The following ALG9 variants were observed in gnomAD, a reference collection of about 807,000 sequenced individuals.
ALG9 encodes alpha-1,2-mannosyltransferase ALG9.
In ALG9, 55 loss-of-function variants were observed where a neutral mutation model predicts 81.8. That is an observed-to-expected ratio of 0.67 (90% CI 0.54 to 0.84). ALG9 has a LOEUF of 0.84. Ranked by LOEUF, ALG9 falls within the 40% of genes least tolerant of loss-of-function variation. The probability of loss-of-function intolerance (pLI) is 0.00; values close to 1 mark genes in which losing one functional copy is unlikely to be tolerated. For synonymous variants in ALG9, 278 were observed against 274.3 expected, an observed-to-expected ratio of 1.01 and a Z score of -0.13; for missense variants, 629 against 745.0, an observed-to-expected ratio of 0.84 and a Z score of 1.81.
chr11:111,805,342 A>G (rs1949759340), intron 14 of ALG9: 2 of 455,822 alleles, frequency 4.4e-6, no homozygotes, highest in Non-Finnish European at 8.8e-6. Context: ...TTTGTTGTTT[A>G]AGCCACCCAG....
chr11:111,800,981 T>C lies in ALG9; in HGVS notation c.1733+8662A>G, dbSNP rs557031380. ...CCTACTTACATTTCTAAACAAATCA[T>C]GTGGCTATGTGTCATAGGCCTATTA... On this transcript the variant is annotated intron_variant, in intron 14 of 14. Coordinates refer to ENST00000616540, the MANE Select transcript of ALG9 (RefSeq NM_024740.2). 8.5e-5 allele frequency among the ~76,000 whole-genome samples: 13 copies of C among 152,350 alleles called. No homozygotes were observed. In the South Asian group the frequency reaches 1.9e-3, roughly 22 times the overall value.
At chr11:111,799,446 CTTT>C (rs35858293) in intron 14 of ALG9, among the ~76,000 whole-genome samples, 5 of 141,442 alleles carry the variant, frequency 3.5e-5, no homozygotes, top group South Asian at 2.3e-4. Context: ...CGGCTGATTC[CTTT>C]TTTTTTTTTT....
intron 6 of ALG9, among the ~76,000 whole-genome samples, chr11:111,854,092 A>G (rs921259504): frequency 1.1e-4 from 16 of 145,094 alleles, no homozygotes; most frequent in African/African-American, 3.8e-4. Flanking sequence ...ACCTTATTAC[A>G]GACTTTTTTT....
chr11:111,795,499 C>T (rs782289621), intron 14 of ALG9, among the ~76,000 whole-genome samples: 2 of 152,080 alleles, frequency 1.3e-5, no homozygotes, highest in Non-Finnish European at 1.5e-5. Flanking sequence ...CAATATACCC[C>T]GCAGGTGGCC....
intron 1 of ALG9, chr11:111,870,716 A>C: frequency 1.9e-6 from 2 of 1,040,844 alleles, no homozygotes; most frequent in South Asian, 6.1e-5. Flanking sequence ...ATTAACTCAT[A>C]CACTTTAGCT....
chr11:111,843,270 A>T (rs1956493308), intron 9 of ALG9, among the ~76,000 whole-genome samples: 1 of 152,222 alleles, frequency 6.6e-6, no homozygotes. Flanking sequence ...AAAGAAAAAA[A>T]GTAAGATGGG....
At chr11:111,789,048 G>T (rs1591785429) in intron 14 of ALG9, among the ~76,000 whole-genome samples, 2 of 149,570 alleles carry the variant, frequency 1.3e-5, no homozygotes. Flanking sequence ...TCACTATTTT[G>T]CCCAGGCTGG....
intron 14 of ALG9, among the ~76,000 whole-genome samples, chr11:111,788,039 T>C (rs1946736450): frequency 6.6e-6 from 1 of 152,230 alleles, no homozygotes; most frequent in Non-Finnish European, 1.5e-5. Flanking sequence ...AAATTCTGTA[T>C]GGAGTATTAC....
At chr11:111,866,720 C>A (rs533378523) in intron 3 of ALG9, among the ~76,000 whole-genome samples, 1 of 151,440 alleles carries the variant, frequency 6.6e-6, no homozygotes, top group South Asian at 2.1e-4. Flanking sequence ...GAAATAAAAA[C>A]CCTCTGCATA....
Position 111,837,589 on chromosome 11 carries a change from G to C in ALG9, c.1351C>G (p.Pro451Ala), listed in dbSNP as rs782727331. The change falls in exon 12 of 15, where the codon CCA (proline) becomes GCA (alanine). Residue 451 changes from proline (P) to alanine (A), a missense_variant. Physicochemically the swap from Pro to Ala is conservative, Grantham distance 27. Transcript: ENST00000616540. Reference sequence around the variant, plus strand: ...TCTGTAGCAATTCGGTAAAATTCTGGATACAAATCAAGGGGCCCGTGATAT... The same window carrying C: ...TCTGTAGCAATTCGGTAAAATTCTGCATACAAATCAAGGGGCCCGTGATAT... Reference protein sequence around the residue: ...RGYHGPLDLYPEFYRIATDPT... With the variant: ...RGYHGPLDLYAEFYRIATDPT... 6.2e-7 allele frequency: 1 copy of C among 1,614,082 alleles called. No homozygotes were observed. The highest frequency in any genetic ancestry group is 1.7e-5 in the Admixed American group (1 of 60,020).
intron 3 of ALG9, 112 bp downstream of exon 3, chr11:111,868,490 T>C: frequency 7.4e-7 from 1 of 1,343,802 alleles, no homozygotes; most frequent in South Asian, 1.5e-5. Context: ...ATGATTCTTC[T>C]TCAAAAAAAG....
At chr11:111,792,070 G>A (rs1287084761) in intron 14 of ALG9, among the ~76,000 whole-genome samples, 3 of 152,174 alleles carry the variant, frequency 2.0e-5, no homozygotes, top group African/African-American at 7.2e-5. Context: ...GTGACAGGGC[G>A]AGACTCCGTC....
At chr11:111,816,488 A>T (rs1243022428) in intron 13 of ALG9, among the ~76,000 whole-genome samples, 4 of 152,110 alleles carry the variant, frequency 2.6e-5, no homozygotes, top group Non-Finnish European at 4.4e-5. Flanking sequence ...GGCCTCAAGC[A>T]ATCTTCCTAC....
intron 14 of ALG9, among the ~76,000 whole-genome samples, chr11:111,791,607 A>G (rs1369635260): frequency 6.6e-6 from 1 of 152,102 alleles, no homozygotes; most frequent in Non-Finnish European, 1.5e-5. Context: ...TGATTGTTCC[A>G]CCTCACCTTG....
chr11:111,832,597 A>C (rs1240616814), intron 13 of ALG9, among the ~76,000 whole-genome samples: 2 of 152,082 alleles, frequency 1.3e-5, no homozygotes, highest in African/African-American at 2.4e-5. Flanking sequence ...TAACTGACAA[A>C]GTTTTTTAAG....
chr11:111,853,860 C>T, intron 6 of ALG9, 124 bp from the exon 7 acceptor site: 1 of 857,086 alleles, frequency 1.2e-6, no homozygotes, highest in South Asian at 1.4e-5. Context: ...GGGAAGAAAC[C>T]TGGTATGTGA....
chr11:111,825,121 A>C (rs1280758630), intron 13 of ALG9, among the ~76,000 whole-genome samples: 1 of 152,174 alleles, frequency 6.6e-6, no homozygotes, highest in Non-Finnish European at 1.5e-5. Context: ...TGGACTACAA[A>C]CAACCTTGAA....
intron 13 of ALG9, among the ~76,000 whole-genome samples, chr11:111,818,028 T>A (rs1555099585): frequency 6.6e-6 from 1 of 151,930 alleles, no homozygotes; most frequent in African/African-American, 2.4e-5. Flanking sequence ...ATCCGCCCAC[T>A]TCGGCCTCCC....
At position 111,871,368 on chromosome 11, in the gene ALG9, C is replaced by A. The variant is rs1555158739; in HGVS notation, c.115G>T (p.Ala39Ser). 1 of 1,531,514 alleles carries A rather than the reference C, an allele frequency of 6.5e-7. No individual in the cohort carries two copies. Among genetic ancestry groups the A allele is most frequent in the Non-Finnish European group, 8.7e-7 (1 of 1,144,992 alleles). 94.9% of individuals were successfully genotyped at this position (1,531,514 alleles called of 1,614,324 possible). A position where few individuals can be genotyped will look rare whatever the true frequency, so the allele number is the denominator to read the frequency against. Residue 39 changes from alanine (A) to serine (S), a missense_variant, in exon 1 of 15, where the codon GCG becomes TCG. Physicochemically the swap from Ala to Ser is moderately conservative, Grantham distance 99. Coordinates refer to ENST00000616540, the MANE Select transcript of ALG9 (RefSeq NM_024740.2). ...CACACGTACTCGGTCCGGTGCTCCG[C>A]GCCGCCCGCCTCTCGGCTGCCCAGC... ...ELLGSREAGG[A>S]EHRTELSGNK...
Sources: gnomAD v4.1 joint callset for allele counts (sites outside exome capture counted in the v4.1 genomes callset) on GRCh38, gnomAD v4.1.1 for gene constraint, MANE v1.5 for transcripts, NCBI Gene and HGNC (gene_info 2026-07-23, HGNC 2026-07-21) for gene names.